NACC1: variants seen among roughly 807,000 people sequenced by gnomAD.
The protein encoded by NACC1 is nucleus accumbens-associated protein 1.
Under a neutral mutation model 41.7 loss-of-function variants are expected in NACC1, and 6 were observed. That is an observed-to-expected ratio of 0.14 (90% CI 0.08 to 0.28). The LOEUF (loss-of-function observed/expected upper bound fraction) is 0.28. NACC1 is among the 10% of genes least tolerant of loss of function. The pLI is 1.00. For missense variants in NACC1, 434 were observed against 763.7 expected (o/e 0.57, Z 5.09); for synonymous variants, 338 against 330.6 (o/e 1.02, Z -0.24).
chr19:13,140,941 AC>A lies in NACC1; in HGVS notation c.*2537del, dbSNP rs1256645011. On this transcript the variant is annotated 3_prime_UTR_variant, in exon 6 of 6. Coordinates refer to ENST00000292431, the MANE Select transcript of NACC1 (RefSeq NM_052876.4). The surrounding 1 kb of genome is among the most constrained non-coding windows in gnomAD (Gnocchi z 4.0). ...TTCCCTGGCCGCCCACTCAACCCAC[AC>A]CTCTTTCACGCAGGACAGGCTGCCC... The A allele has an allele frequency of 1.3e-5, 2 of 150,802 alleles. No homozygotes were observed. Among genetic ancestry groups the A allele is most frequent in the Non-Finnish European group, 3.0e-5 (2 of 67,624 alleles). 9.3% of individuals were successfully genotyped at this position (150,802 alleles called of 1,614,324 possible). A position where few individuals can be genotyped will look rare whatever the true frequency, so the allele number is the denominator to read the frequency against.
chr19:13,122,647 G>T (rs573122151), intron 1 of NACC1, among the ~76,000 whole-genome samples: 1 of 152,234 alleles, frequency 6.6e-6, no homozygotes, highest in Non-Finnish European at 1.5e-5. Flanking sequence ...CAGTGGCTGG[G>T]TGGGGAATCT....
At position 13,138,767 on chromosome 19, in the gene NACC1, C is replaced by G. The variant is rs998889284; in HGVS notation, c.*361C>G. The G allele has an allele frequency of 3.6e-6, 1 of 276,116 alleles. No individual in the cohort carries two copies. Among genetic ancestry groups the G allele is most frequent in the Non-Finnish European group, 7.0e-6 (1 of 141,874 alleles). 17.1% of individuals were successfully genotyped at this position (276,116 alleles called of 1,614,324 possible). On this transcript the variant is annotated 3_prime_UTR_variant, in exon 6 of 6. Transcript: ENST00000292431. The surrounding 1 kb of genome is among the most constrained non-coding windows in gnomAD (Gnocchi z 5.7). ...CCTCCCCAGGCCCTAGGCCACCTCG[C>G]GGAAGCCTTCAGCCTCCGCCCCTCA... is the stretch of plus-strand genomic sequence containing the variant.
chr19:13,134,808 C>T (rs1003831074), intron 1 of NACC1, among the ~76,000 whole-genome samples: 2 of 152,214 alleles, frequency 1.3e-5, no homozygotes, highest in African/African-American at 4.8e-5. Context: ...GAAGAGATAC[C>T]ATATATGTAC....
rs773835375 is a variant in NACC1, at chr19:13,138,184, C to T, written c.1362C>T (p.Ser454=). ...CQNFAPNFKE[S]EMNAIAADMC... ...ACTTCGCCCCCAACTTCAAGGAGAGCGAGATGAATGCCATCGCGGCCGACA... is the reference window on the plus strand; with the variant it reads ...ACTTCGCCCCCAACTTCAAGGAGAGTGAGATGAATGCCATCGCGGCCGACA... Residue 454 remains serine, a synonymous_variant, in exon 6 of 6, where the codon AGC becomes AGT. Transcript: ENST00000292431. This position sits in a 1 kb window ranked among gnomAD's most constrained non-coding sequence, Gnocchi z 5.7. 79 of 1,614,022 alleles carry T rather than the reference C, an allele frequency of 4.9e-5. No individual in the cohort carries two copies. Among genetic ancestry groups the T allele is most frequent in the Non-Finnish European group, 6.5e-5 (77 of 1,180,012 alleles).
intron 1 of NACC1, among the ~76,000 whole-genome samples, chr19:13,129,998 TTTTGTTTG>T (rs372571956): frequency 1.3e-5 from 2 of 151,812 alleles, no homozygotes; most frequent in Admixed American, 1.3e-4. Flanking sequence ...TTCTGCACTG[TTTTGTTTG>T]TTTGTTTGGT....
At chr19:13,128,656 G>C (rs1465457751) in intron 1 of NACC1, among the ~76,000 whole-genome samples, 1 of 152,190 alleles carries the variant, frequency 6.6e-6, no homozygotes, top group East Asian at 1.9e-4. Flanking sequence ...GCAAGGTCAG[G>C]CACCCCAGTG....
chr19:13,129,605 C>G (rs535735074), intron 1 of NACC1, among the ~76,000 whole-genome samples: 1 of 152,226 alleles, frequency 6.6e-6, no homozygotes, highest in Non-Finnish European at 1.5e-5. Flanking sequence ...CGCCCCACTC[C>G]GCTCGTCCCC....
At position 13,136,371 on chromosome 19, in the gene NACC1, G is replaced by A. The variant is rs1280508927; in HGVS notation, c.1086G>A (p.Glu362=). The part of the protein sequence containing the change: ...GNRCHPKLYD[E]GDPSEKLELV... Reference sequence around the variant, plus strand: ...GCTGCCACCCCAAGCTCTACGACGAGGGCGACCCCTCTGAGAAGCTGGAGC... The same window carrying A: ...GCTGCCACCCCAAGCTCTACGACGAAGGCGACCCCTCTGAGAAGCTGGAGC... Residue 362 remains glutamate, a synonymous_variant, in exon 3 of 6, where the codon GAG becomes GAA. Coordinates refer to ENST00000292431, the MANE Select transcript of NACC1 (RefSeq NM_052876.4). This position sits in a 1 kb window ranked among gnomAD's most constrained non-coding sequence, Gnocchi z 5.5. 6.2e-7 allele frequency: 1 copy of A among 1,614,030 alleles called. No individual in the cohort carries two copies. Among genetic ancestry groups the A allele is most frequent in the Admixed American group, 1.7e-5 (1 of 60,002 alleles).
chr19:13,118,245 C>G (rs906744756), upstream of NACC1: 1 of 149,978 alleles, frequency 6.7e-6, no homozygotes, highest in Non-Finnish European at 1.5e-5. Context: ...GGCGGCAGCG[C>G]GGCTTGCGCT....
In NACC1 at chr19:13,118,273, G is replaced by A. The variant is rs1003663857; in HGVS notation, c.-190G>A. 1 of 148,948 alleles carries A rather than the reference G, an allele frequency of 6.7e-6. No homozygotes were observed. The highest frequency in any genetic ancestry group is 1.5e-5 in the Non-Finnish European group (1 of 66,756). The allele number at this position is 148,948 out of a possible 1,614,324, so 9.2% of individuals were successfully genotyped here. ...CTTGCGCTCGCTCGGCGCTCGGCTG[G>A]GGCGGCCTGGCCCACAATGAATGGC... On this transcript the variant is annotated 5_prime_UTR_variant, in exon 1 of 6. Transcript: ENST00000292431.
chr19:13,130,827 C>T (rs529001862), intron 1 of NACC1, among the ~76,000 whole-genome samples: 11 of 152,248 alleles, frequency 7.2e-5, no homozygotes, highest in South Asian at 4.1e-4. Flanking sequence ...TGAGCCACCG[C>T]GCCTGGCCTG....
chr19:13,121,159 G>C (rs1476686158), intron 1 of NACC1, among the ~76,000 whole-genome samples: 2 of 152,214 alleles, frequency 1.3e-5, no homozygotes, highest in Non-Finnish European at 2.9e-5. Flanking sequence ...TGTTCCCGGA[G>C]AGCTAAGATC....
rs1017537510 is a variant in NACC1, at chr19:13,138,813, A to AG, written c.*413dup. ...CCTCACTGCAGCCCCTTGGGACTTG[A>AG]GGGGGGCCCCAGGGGTTCTCAGGAC... is the stretch of plus-strand genomic sequence containing the variant. On this transcript the variant is annotated 3_prime_UTR_variant, in exon 6 of 6. Transcript: ENST00000292431. The surrounding 1 kb of genome is among the most constrained non-coding windows in gnomAD (Gnocchi z 5.7). The AG allele has an allele frequency of 1.9e-4, 38 of 202,030 alleles. No homozygotes were observed. The highest frequency in any genetic ancestry group is 8.4e-4 in the Admixed American group (16 of 18,942). 12.5% of individuals were successfully genotyped at this position (202,030 alleles called of 1,614,324 possible).
chr19:13,123,881 C>T (rs1451323374), intron 1 of NACC1, among the ~76,000 whole-genome samples: 1 of 152,170 alleles, frequency 6.6e-6, no homozygotes, highest in African/African-American at 2.4e-5. Flanking sequence ...CTGGCTTCAC[C>T]TCTCTGGGCC....
At chr19:13,118,790 C>T (rs1335890667) in intron 1 of NACC1, among the ~76,000 whole-genome samples, 3 of 98,096 alleles carry the variant, frequency 3.1e-5, no homozygotes, top group Admixed American at 2.6e-4. Flanking sequence ...TCGTGGATGC[C>T]GGAGGGGGAG....
At chr19:13,122,200 G>C (rs897151423) in intron 1 of NACC1, among the ~76,000 whole-genome samples, 2 of 152,208 alleles carry the variant, frequency 1.3e-5, no homozygotes, top group African/African-American at 4.8e-5. Flanking sequence ...CCTCCTTGGC[G>C]AAGGTCTCAG....
intron 1 of NACC1, among the ~76,000 whole-genome samples, chr19:13,120,573 C>T (rs1326430833): frequency 6.6e-6 from 1 of 152,238 alleles, no homozygotes; most frequent in Non-Finnish European, 1.5e-5. Context: ...GCCTGTCTGG[C>T]TAGCCACTTG....
At position 13,136,471 on chromosome 19, in the gene NACC1, T is replaced by TGGGCA; in HGVS notation, c.1120+68_1120+72dup. The TGGGCA allele has an allele frequency of 6.6e-7, 1 of 1,525,834 alleles. No individual in the cohort carries two copies. Among genetic ancestry groups the TGGGCA allele is most frequent in the Non-Finnish European group, 8.8e-7 (1 of 1,137,280 alleles). The allele number at this position is 1,525,834 out of a possible 1,614,324, so 94.5% of individuals were successfully genotyped here. ...TGGAGCCGGCTGGCCTGGGCTGGGC[T>TGGGCA]GGGCAGCTGGTTAGGAGCCCCCAGC... On this transcript the variant is annotated intron_variant, in intron 3 of 5. Coordinates refer to ENST00000292431, the MANE Select transcript of NACC1 (RefSeq NM_052876.4). The surrounding 1 kb of genome is among the most constrained non-coding windows in gnomAD (Gnocchi z 5.5).
intron 1 of NACC1, among the ~76,000 whole-genome samples, chr19:13,122,437 C>G (rs893465238): frequency 6.7e-6 from 1 of 149,056 alleles, no homozygotes; most frequent in Non-Finnish European, 1.5e-5. Context: ...GTGGGCACAA[C>G]TATACTGCTG....
Sources: gnomAD v4.1 joint callset for allele counts (sites outside exome capture counted in the v4.1 genomes callset) on GRCh38, gnomAD v4.1.1 for gene constraint, Gnocchi (gnomAD v3.1) non-coding constraint, MANE v1.5 for transcripts, NCBI Gene and HGNC (gene_info 2026-07-23, HGNC 2026-07-21) for gene names.